SLC30A6: variants seen among roughly 807,000 people sequenced by gnomAD.
SLC30A6 encodes the protein zinc transporter 6.
Under a neutral mutation model 63.0 loss-of-function variants are expected in SLC30A6, and 55 were observed. The ratio of observed to expected loss-of-function variants is 0.87; its 90% confidence interval spans 0.70 to 1.09. The LOEUF (loss-of-function observed/expected upper bound fraction) is 1.09. Ranked by LOEUF, SLC30A6 falls within the 50% of genes least tolerant of loss-of-function variation. The pLI is 0.00. For synonymous variants in SLC30A6, 224 were observed against 186.1 expected (o/e 1.20, Z -1.66); for missense variants, 587 against 549.2 (o/e 1.07, Z -0.69).
At chr2:32,187,021 A>T (rs1438280233) in intron 5 of SLC30A6, 1 of 357,174 alleles carries the variant, frequency 2.8e-6, no homozygotes, top group Non-Finnish European at 5.5e-6. Context: ...AAAAAGAAAG[A>T]AAAAGAAAAA....
intron 13 of SLC30A6, among the ~76,000 whole-genome samples, chr2:32,211,392 C>G (rs1424229479): frequency 6.7e-6 from 1 of 149,472 alleles, no homozygotes; most frequent in Non-Finnish European, 1.5e-5. Context: ...ACATTTGTTT[C>G]AAGTTTCTTA....
chr2:32,168,453 T>C (rs1368145672), intron 1 of SLC30A6, among the ~76,000 whole-genome samples: 1 of 149,688 alleles, frequency 6.7e-6, no homozygotes. Context: ...AAAATATAAG[T>C]ATATAAAAAC....
chr2:32,183,751 A>G (rs781345637), intron 4 of SLC30A6, among the ~76,000 whole-genome samples: 16 of 152,056 alleles, frequency 1.1e-4, no homozygotes, highest in Non-Finnish European at 2.4e-4. Context: ...ACTGGGTCTA[A>G]CGCAGATAGT....
chr2:32,203,285 GAA>G lies in SLC30A6; in HGVS notation c.666-1303_666-1302del. The G allele has an allele frequency of 3.2e-6, 3 of 941,796 alleles. No homozygotes were observed. In the East Asian group the frequency reaches 7.2e-5, roughly 22 times the overall value. 58.3% of individuals were successfully genotyped at this position (941,796 alleles called of 1,614,324 possible). ...TTGTATATGTTTTTATCAACCAAGA[GAA>G]AGAGGTCAACTAAGATATGTGGAAC... On this transcript the variant is annotated intron_variant, in intron 10 of 13. Coordinates refer to ENST00000282587, the MANE Select transcript of SLC30A6 (RefSeq NM_017964.5).
intron 4 of SLC30A6, among the ~76,000 whole-genome samples, chr2:32,175,585 A>T (rs566946043): frequency 6.6e-6 from 1 of 152,114 alleles, no homozygotes; most frequent in South Asian, 2.1e-4. Context: ...AAAGTAGATT[A>T]TGAAGAAGTT....
rs1473644654 is a variant in SLC30A6 at position 32,223,761 on chromosome 2, T to G, written c.*3048T>G. ...TTAGATGAGAGAGTTCTCTTAGACTTCTTTCTTTGTAAGGAAGGGTTATTT... is the reference window on the plus strand; with the variant it reads ...TTAGATGAGAGAGTTCTCTTAGACTGCTTTCTTTGTAAGGAAGGGTTATTT... On this transcript the variant is annotated 3_prime_UTR_variant, in exon 14 of 14. Transcript: ENST00000282587. 2.0e-5 allele frequency: 3 copies of G among 152,206 alleles called. No homozygotes were observed. The highest frequency in any genetic ancestry group is 4.4e-5 in the Non-Finnish European group (3 of 68,032). The allele number at this position is 152,206 out of a possible 1,614,324, so 9.4% of individuals were successfully genotyped here.
rs1245314448 is a variant in SLC30A6, at chr2:32,197,781, C to A, written c.620C>A (p.Ala207Asp). The stretch of plus-strand genomic sequence containing the variant: ...AATCCATTTGTTTTGATTGATCTTG[C>A]TGGAGCATTTGCTCTTTGTATTACA... ...RMNPFVLIDL[A>D]GAFALCITYM... Residue 207 changes from alanine to aspartate, a missense_variant, in exon 10 of 14, where the codon GCT becomes GAT. Transcript: ENST00000282587. The A allele has an allele frequency of 6.2e-7, 1 of 1,614,038 alleles. No individual in the cohort carries two copies. Among genetic ancestry groups the A allele is most frequent in the South Asian group, 1.1e-5 (1 of 91,082 alleles).
At chr2:32,203,891 C>A in intron 10 of SLC30A6, 2 of 938,526 alleles carry the variant, frequency 2.1e-6, no homozygotes, top group South Asian at 2.6e-5. Flanking sequence ...GGCAGCCGGT[C>A]AGTTAGACAG....
At chr2:32,199,983 TGCACACCTGTAATCCCAACCACCTGGGAG>T (rs1684127206) in intron 10 of SLC30A6, among the ~76,000 whole-genome samples, 1 of 151,824 alleles carries the variant, frequency 6.6e-6, no homozygotes, top group South Asian at 2.1e-4. Context: ...GGCGTGGTGA[TGCACACCTGTAATCCCAACCACCTGGGAG>T]GCTGAAGCAG....
At chr2:32,187,646 G>T (rs1468103627) in intron 5 of SLC30A6, among the ~76,000 whole-genome samples, 5 of 152,116 alleles carry the variant, frequency 3.3e-5, no homozygotes, top group Admixed American at 3.3e-4. Context: ...CTACCTTCTT[G>T]ACAGCTTCAC....
At chr2:32,181,687 T>G (rs1490445640) in intron 4 of SLC30A6, among the ~76,000 whole-genome samples, 1 of 151,922 alleles carries the variant, frequency 6.6e-6, no homozygotes, top group Non-Finnish European at 1.5e-5. Flanking sequence ...GGCAACATGG[T>G]AAAAACCCAT....
intron 4 of SLC30A6, among the ~76,000 whole-genome samples, chr2:32,179,581 T>C (rs1045643690): frequency 2.6e-5 from 4 of 152,214 alleles, no homozygotes; most frequent in African/African-American, 7.2e-5. Context: ...CTGCTGGGTA[T>C]AGGGAACCCA....
intron 10 of SLC30A6, chr2:32,204,038 T>C: frequency 1.6e-6 from 1 of 627,836 alleles, no homozygotes; most frequent in Admixed American, 2.6e-5. Flanking sequence ...GGTTGCCTAT[T>C]TCTGCCTAAT....
chr2:32,205,158 C>T (rs773207816), intron 11 of SLC30A6, among the ~76,000 whole-genome samples: 1 of 152,072 alleles, frequency 6.6e-6, no homozygotes, highest in Non-Finnish European at 1.5e-5. Flanking sequence ...AGGTGGCTCA[C>T]GCTTGTAATC....
intron 1 of SLC30A6, among the ~76,000 whole-genome samples, chr2:32,168,999 C>G (rs1680930810): frequency 6.6e-6 from 1 of 152,022 alleles, no homozygotes; most frequent in African/African-American, 2.4e-5. Context: ...TTCTCTTAAC[C>G]TGAAACTTAA....
rs992204578 is a variant in SLC30A6 at position 32,223,759 on chromosome 2, CTTCT to C, written c.*3053_*3056del. 1 of 152,106 alleles carries C rather than the reference CTTCT, an allele frequency of 6.6e-6. No homozygotes were observed. The highest frequency in any genetic ancestry group is 2.4e-5 in the African/African-American group (1 of 41,422). 9.4% of individuals were successfully genotyped at this position (152,106 alleles called of 1,614,324 possible). On this transcript the variant is annotated 3_prime_UTR_variant, in exon 14 of 14. Transcript: ENST00000282587. The stretch of plus-strand genomic sequence containing the variant: ...ATTTAGATGAGAGAGTTCTCTTAGA[CTTCT>C]TTCTTTGTAAGGAAGGGTTATTTGG...
At chr2:32,188,119 A>T (rs138509975) in intron 5 of SLC30A6, among the ~76,000 whole-genome samples, 1 of 152,222 alleles carries the variant, frequency 6.6e-6, no homozygotes, top group East Asian at 1.9e-4. Flanking sequence ...CCTCTATAGG[A>T]TACTGACTTT....
chr2:32,217,055 A>T (rs182453737), intron 13 of SLC30A6, among the ~76,000 whole-genome samples: 14,801 of 144,284 alleles, frequency 0.1, 775 homozygotes, highest in Middle Eastern at 0.22. Flanking sequence ...CGCCCGGCAA[A>T]TTTTTTTTTT....
chr2:32,207,622 G>A (rs1417924735), intron 12 of SLC30A6, among the ~76,000 whole-genome samples: 74 of 146,288 alleles, frequency 5.1e-4, no homozygotes, highest in African/African-American at 1.7e-3. Flanking sequence ...TGATCCACCC[G>A]CCTCGGCCTC....
Sources: gnomAD v4.1 joint callset for allele counts (sites outside exome capture counted in the v4.1 genomes callset) on GRCh38, gnomAD v4.1.1 for gene constraint, MANE v1.5 for transcripts, NCBI Gene and HGNC (gene_info 2026-07-23, HGNC 2026-07-21) for gene names.